NTM: variants seen among roughly 807,000 people sequenced by gnomAD.
NTM encodes the protein neurotrimin.
In NTM, 13 loss-of-function variants were observed where a neutral mutation model predicts 42.1. The observed-to-expected ratio is 0.31, with a 90% CI of 0.20 to 0.49. The LOEUF (loss-of-function observed/expected upper bound fraction) is 0.49. Among genes scored for constraint, NTM ranks in the 20% least tolerant of loss-of-function variants. The pLI is 0.99. For missense variants in NTM, 373 were observed against 452.8 expected, an observed-to-expected ratio of 0.82 and a Z score of 1.60; for synonymous variants, 187 against 179.2, an observed-to-expected ratio of 1.04 and a Z score of -0.35.
intron 1 of NTM, among the ~76,000 whole-genome samples, chr11:131,825,333 G>A (rs1025294155): frequency 2.3e-4 from 35 of 151,186 alleles, no homozygotes; most frequent in African/African-American, 8.5e-4. Context: ...TTTCAAATAA[G>A]ATGACATTCT....
intron 2 of NTM, among the ~76,000 whole-genome samples, chr11:132,028,780 A>T (rs534883): frequency 0.14 from 21,407 of 152,160 alleles, 1,555 homozygotes; most frequent in Middle Eastern, 0.23. Flanking sequence ...AGGCCTTCAT[A>T]AGAACAGGAT....
chr11:131,757,126 G>A (rs542829763), intron 1 of NTM, among the ~76,000 whole-genome samples: 18 of 152,290 alleles, frequency 1.2e-4, no homozygotes, highest in African/African-American at 2.9e-4. Context: ...CGTCATCTCC[G>A]AAACAGCTAC....
chr11:131,833,133 C>T (rs149364008), intron 1 of NTM, among the ~76,000 whole-genome samples: 2 of 152,296 alleles, frequency 1.3e-5, no homozygotes, highest in African/African-American at 2.4e-5. Flanking sequence ...ATCGTTCTGA[C>T]CACATATTTT....
chr11:131,714,079 T>G (rs899099164), intron 1 of NTM, among the ~76,000 whole-genome samples: 2 of 152,240 alleles, frequency 1.3e-5, no homozygotes, highest in Non-Finnish European at 1.5e-5. Context: ...GAAGATCATG[T>G]ACCAGTTAAA....
chr11:131,532,194 C>A (rs532352326), intron 1 of NTM, among the ~76,000 whole-genome samples: 106 of 152,174 alleles, frequency 7.0e-4, no homozygotes, highest in Middle Eastern at 3.4e-3. Flanking sequence ...TAAATCATCC[C>A]AAACAGAAAA....
chr11:132,038,835 C>G (rs1465504192), intron 2 of NTM, among the ~76,000 whole-genome samples: 1 of 152,210 alleles, frequency 6.6e-6, no homozygotes, highest in Non-Finnish European at 1.5e-5. Context: ...CTGTGTCCCT[C>G]CGTCCCTCCT....
At chr11:131,881,502 ACACACACC>A (rs1475992998) in intron 1 of NTM, among the ~76,000 whole-genome samples, 1 of 151,348 alleles carries the variant, frequency 6.6e-6, no homozygotes, top group African/African-American at 2.4e-5. Flanking sequence ...ACACACACAC[ACACACACC>A]CCCCAAAGCT....
chr11:132,173,703 C>T (rs7942876), intron 3 of NTM, among the ~76,000 whole-genome samples: 92,102 of 151,934 alleles, frequency 0.61, 28,392 homozygotes, highest in Non-Finnish European at 0.64. Flanking sequence ...TTCCATGTTC[C>T]AAGTGAAGAG....
chr11:131,678,447 A>G (rs947384176), intron 1 of NTM, among the ~76,000 whole-genome samples: 4 of 152,254 alleles, frequency 2.6e-5, no homozygotes, highest in African/African-American at 9.6e-5. Flanking sequence ...TGAGGCCCCA[A>G]GGGCAAGGTC....
rs2095375374 is a variant in NTM at position 132,314,663 on chromosome 11, C to G, written c.894C>G (p.Ser298=). Residue 298 remains serine, a synonymous_variant, in exon 7 of 9, where the codon TCC becomes TCG. Coordinates refer to ENST00000683400, the MANE Select transcript of NTM (RefSeq NM_001352005.2). The part of the protein sequence containing the change: ...HDYGNYTCVA[S]NKLGHTNASI... Reference sequence around the variant, plus strand: ...ATGGGAACTACACTTGCGTGGCCTCCAACAAGCTGGGCCACACCAATGCCA... The same window carrying G: ...ATGGGAACTACACTTGCGTGGCCTCGAACAAGCTGGGCCACACCAATGCCA... 1.9e-6 allele frequency: 3 copies of G among 1,613,832 alleles called. 1 individual carries two copies. The East Asian group carries it at 6.7e-5, about 36-fold the overall frequency.
At chr11:131,393,410 G>A (rs574187397) in intron 1 of NTM, among the ~76,000 whole-genome samples, 1 of 152,318 alleles carries the variant, frequency 6.6e-6, no homozygotes, top group South Asian at 2.1e-4. Context: ...ATGGACAGAT[G>A]GCAGGTAAGG....
chr11:131,543,273 G>T (rs2053520652), intron 1 of NTM, among the ~76,000 whole-genome samples: 1 of 152,156 alleles, frequency 6.6e-6, no homozygotes, highest in Non-Finnish European at 1.5e-5. Context: ...CCATAAAGTG[G>T]CAGTCTCCTC....
chr11:131,520,630 T>A (rs1343883654), intron 1 of NTM, among the ~76,000 whole-genome samples: 1 of 152,212 alleles, frequency 6.6e-6, no homozygotes, highest in Non-Finnish European at 1.5e-5. Context: ...ACAGTTGATC[T>A]ATGATGGTTA....
intron 1 of NTM, among the ~76,000 whole-genome samples, chr11:131,593,495 G>A (rs892882003): frequency 2.6e-5 from 4 of 152,142 alleles, no homozygotes; most frequent in African/African-American, 4.8e-5. Context: ...TCTCAAACAA[G>A]CCAAGTGTAA....
intron 3 of NTM, among the ~76,000 whole-genome samples, chr11:132,153,368 C>T (rs1468658371): frequency 6.6e-6 from 1 of 152,202 alleles, no homozygotes; most frequent in Non-Finnish European, 1.5e-5. Context: ...TTTATTCAAG[C>T]TGCACTTGAA....
intron 1 of NTM, among the ~76,000 whole-genome samples, chr11:131,390,898 GACCTGGTT>G (rs1183142949): frequency 6.6e-6 from 1 of 152,172 alleles, no homozygotes; most frequent in Non-Finnish European, 1.5e-5. Flanking sequence ...ACCACCAGCA[GACCTGGTT>G]ACCTGGCCAG....
chr11:132,044,122 GTGTATA>G (rs779589228), intron 2 of NTM, among the ~76,000 whole-genome samples: 55,958 of 121,724 alleles, frequency 0.46, 13,491 homozygotes, highest in East Asian at 0.77. Context: ...GTGTATGTGT[GTGTATA>G]TATGTGTGTG....
rs115815251 is a variant in NTM, at chr11:131,662,604, G to A, written c.83-248960G>A. Among the ~76,000 whole-genome samples, 423 of 152,344 alleles carry A rather than the reference G, an allele frequency of 2.8e-3. 2 individuals carry two copies. The highest frequency in any genetic ancestry group is 9.6e-3 in the African/African-American group (401 of 41,578). Reference sequence around the variant, plus strand: ...GGCTTCCTGCAGTCCCTCTGCCACAGCCAAGGCCTGTGGATCAAGGTTGAT... The same window carrying A: ...GGCTTCCTGCAGTCCCTCTGCCACAACCAAGGCCTGTGGATCAAGGTTGAT... On this transcript the variant is annotated intron_variant, in intron 1 of 8. Coordinates refer to ENST00000683400, the MANE Select transcript of NTM (RefSeq NM_001352005.2).
chr11:131,630,847 CT>C (rs1179531279), intron 1 of NTM, among the ~76,000 whole-genome samples: 1 of 152,118 alleles, frequency 6.6e-6, no homozygotes, highest in East Asian at 1.9e-4. Context: ...TTTAACTAGG[CT>C]TTTTAGGGAT....
Sources: allele counts gnomAD v4.1 joint callset (sites outside exome capture counted in the v4.1 genomes callset), GRCh38; gene constraint gnomAD v4.1.1; transcripts MANE v1.5; gene names NCBI Gene and HGNC (gene_info 2026-07-23, HGNC 2026-07-21).